Variants in SLC30A8 observed in about 807,000 individuals in gnomAD.
The protein encoded by SLC30A8 is proton-coupled zinc antiporter SLC30A8.
In SLC30A8, 27 loss-of-function variants were observed where a neutral mutation model predicts 36.9. That is an observed-to-expected ratio of 0.73 (90% CI 0.54 to 1.01). The LOEUF is 1.01. SLC30A8 is among the 50% of genes least tolerant of loss of function. The pLI is 0.00. For missense variants in SLC30A8, 439 were observed against 452.0 expected, an observed-to-expected ratio of 0.97 and a Z score of 0.26; for synonymous variants, 164 against 172.4, an observed-to-expected ratio of 0.95 and a Z score of 0.38.
chr8:117,163,208 G>A (rs1360596086), intron 5 of SLC30A8, among the ~76,000 whole-genome samples: 1 of 152,212 alleles, frequency 6.6e-6, no homozygotes, highest in African/African-American at 2.4e-5. Flanking sequence ...AGCATGACTT[G>A]TAGTCTCACT....
At chr8:116,989,916 C>A (rs899276771) in intron 1 of SLC30A8, among the ~76,000 whole-genome samples, 5 of 152,128 alleles carry the variant, frequency 3.3e-5, no homozygotes, top group African/African-American at 1.2e-4. Context: ...AAGAGAATTC[C>A]AAAGCTACAT....
intron 1 of SLC30A8, among the ~76,000 whole-genome samples, chr8:117,034,791 G>A (rs1291808076): frequency 6.6e-6 from 1 of 152,180 alleles, no homozygotes; most frequent in Non-Finnish European, 1.5e-5. Flanking sequence ...CTGCATGGCT[G>A]AGGAGTCCTC....
chr8:116,964,651 A>C (rs1814539673), intron 1 of SLC30A8, among the ~76,000 whole-genome samples: 1 of 152,184 alleles, frequency 6.6e-6, no homozygotes, highest in Non-Finnish European at 1.5e-5. Context: ...CAAGGTGCCA[A>C]AATGAGCTCA....
At chr8:117,077,188 A>G (rs1167742405) in intron 2 of SLC30A8, among the ~76,000 whole-genome samples, 1 of 152,160 alleles carries the variant, frequency 6.6e-6, no homozygotes, top group Non-Finnish European at 1.5e-5. Flanking sequence ...CTGGCAGTCT[A>G]TTCACCCAAT....
intron 2 of SLC30A8, among the ~76,000 whole-genome samples, chr8:117,129,286 C>A (rs754088181): frequency 1.3e-5 from 2 of 151,964 alleles, no homozygotes; most frequent in South Asian, 2.1e-4. Context: ...TAGTTGGGAG[C>A]CTTGTGTTTA....
At chr8:117,069,984 A>G (rs938298343) in intron 2 of SLC30A8, among the ~76,000 whole-genome samples, 2 of 152,204 alleles carry the variant, frequency 1.3e-5, no homozygotes, top group African/African-American at 4.8e-5. Flanking sequence ...CTTGATTTTT[A>G]TCAATTTATA....
intron 2 of SLC30A8, among the ~76,000 whole-genome samples, chr8:117,082,981 C>T (rs1818725578): frequency 6.6e-6 from 1 of 152,132 alleles, no homozygotes; most frequent in Admixed American, 6.6e-5. Context: ...AAAACAGAAC[C>T]TGTATTATGA....
chr8:116,968,855 G>A (rs1376029028), intron 1 of SLC30A8, among the ~76,000 whole-genome samples: 1 of 152,010 alleles, frequency 6.6e-6, no homozygotes, highest in Non-Finnish European at 1.5e-5. Context: ...TCTTGCCTCA[G>A]CCTCCTAAGT....
chr8:117,086,965 C>A (rs571510333), intron 2 of SLC30A8, among the ~76,000 whole-genome samples: 1 of 152,262 alleles, frequency 6.6e-6, no homozygotes, highest in African/African-American at 2.4e-5. Context: ...TTGTCCCCAC[C>A]AATATTTTAT....
At chr8:117,066,780 G>A (rs772007090) in intron 2 of SLC30A8, among the ~76,000 whole-genome samples, 1 of 151,954 alleles carries the variant, frequency 6.6e-6, no homozygotes, top group Non-Finnish European at 1.5e-5. Flanking sequence ...TAGATTTCCA[G>A]GCATCATCTC....
At chr8:117,065,105 TTAGTGTGTCTCC>T (rs1345891329) in intron 2 of SLC30A8, among the ~76,000 whole-genome samples, 1 of 152,184 alleles carries the variant, frequency 6.6e-6, no homozygotes, top group Non-Finnish European at 1.5e-5. Flanking sequence ...TTTAAATACT[TTAGTGTGTCTCC>T]CAGAAAGTTA....
At chr8:117,111,682 C>T (rs546152733) in intron 2 of SLC30A8, among the ~76,000 whole-genome samples, 1 of 152,122 alleles carries the variant, frequency 6.6e-6, no homozygotes, top group Admixed American at 6.5e-5. Flanking sequence ...TGCAAAGCTA[C>T]TACAATATAG....
chr8:117,092,453 C>T (rs7837307), intron 2 of SLC30A8, among the ~76,000 whole-genome samples: 4,989 of 151,844 alleles, frequency 0.033, 192 homozygotes, highest in African/African-American at 0.097. Flanking sequence ...TTTAACAGCC[C>T]TCTTTTTCCT....
At chr8:116,965,746 C>G (rs752412078) in intron 1 of SLC30A8, among the ~76,000 whole-genome samples, 16 of 152,162 alleles carry the variant, frequency 1.1e-4, no homozygotes, top group Admixed American at 3.9e-4. Flanking sequence ...TCAATTTTGG[C>G]TTAAATAACT....
intron 1 of SLC30A8, among the ~76,000 whole-genome samples, chr8:116,969,133 C>T (rs1026272417): frequency 2.0e-5 from 3 of 152,010 alleles, no homozygotes; most frequent in Non-Finnish European, 2.9e-5. Flanking sequence ...TGTAAGAACT[C>T]GGGGCTTGAC....
chr8:117,153,529 T>C (rs1156885177), intron 3 of SLC30A8, among the ~76,000 whole-genome samples: 2 of 152,194 alleles, frequency 1.3e-5, no homozygotes, highest in Non-Finnish European at 2.9e-5. Context: ...GCTTTCCTGC[T>C]CACACACAGC....
At chr8:117,066,920 C>T (rs1818186977) in intron 2 of SLC30A8, among the ~76,000 whole-genome samples, 1 of 152,100 alleles carries the variant, frequency 6.6e-6, no homozygotes, top group Admixed American at 6.6e-5. Flanking sequence ...TTAGTCTGTT[C>T]TCACACTGCT....
In SLC30A8 at chr8:117,173,432, C is replaced by CA. The variant is rs1823496590; in HGVS notation, c.*756dup. The CA allele has an allele frequency of 6.6e-6, 1 of 152,150 alleles. No individual in the cohort carries two copies. Among genetic ancestry groups the CA allele is most frequent in the African/African-American group, 2.4e-5 (1 of 41,442 alleles). 9.4% of individuals were successfully genotyped at this position (152,150 alleles called of 1,614,324 possible). ...CCCAGAAGTCTTCAAGAACAGCCGA[C>CA]AAAAACATTCGAGTTGACCCCACCA... On this transcript the variant is annotated 3_prime_UTR_variant, in exon 8 of 8. Coordinates refer to ENST00000456015, the MANE Select transcript of SLC30A8 (RefSeq NM_173851.3).
intron 1 of SLC30A8, among the ~76,000 whole-genome samples, chr8:116,997,723 G>C (rs1815868204): frequency 6.6e-6 from 1 of 152,176 alleles, no homozygotes; most frequent in Non-Finnish European, 1.5e-5. Context: ...ATGAGGAACA[G>C]GTAGAAATAT....
Sources: gnomAD v4.1 joint callset for allele counts (sites outside exome capture counted in the v4.1 genomes callset) on GRCh38, gnomAD v4.1.1 for gene constraint, MANE v1.5 for transcripts, NCBI Gene and HGNC (gene_info 2026-07-23, HGNC 2026-07-21) for gene names.